The following ANKRD28 variants were observed in gnomAD, a reference collection of about 807,000 sequenced individuals.
ANKRD28 encodes serine/threonine-protein phosphatase 6 regulatory ankyrin repeat subunit A.
Under a neutral mutation model 126.5 loss-of-function variants are expected in ANKRD28, and 44 were observed. The ratio of observed to expected loss-of-function variants is 0.35; its 90% CI spans 0.27 to 0.45. The LOEUF (loss-of-function observed/expected upper bound fraction) is 0.45. ANKRD28 is among the 20% of genes least tolerant of loss of function. The probability of loss-of-function intolerance (pLI) is 1.00; values close to 1 mark genes in which losing one functional copy is unlikely to be tolerated. For missense variants in ANKRD28, 1,110 were observed against 1,316.6 expected, an observed-to-expected ratio of 0.84 and a Z score of 2.43; for synonymous variants, 442 against 468.5, an observed-to-expected ratio of 0.94 and a Z score of 0.73.
Position 15,838,701 on chromosome 3 carries a change from C to A in ANKRD28, c.27+20676G>T, listed in dbSNP as rs993871607. 1.3e-5 allele frequency among the ~76,000 whole-genome samples: 2 copies of A among 151,236 alleles called. No homozygotes were observed. The highest frequency in any genetic ancestry group is 4.9e-5 in the African/African-American group (2 of 41,166). On this transcript the variant is annotated intron_variant, in intron 1 of 27. Coordinates refer to the ANKRD28 transcript ENST00000399451. The surrounding 1 kb of genome is among the most constrained non-coding windows in gnomAD (Gnocchi z 4.0). ...AGGTAGAGGTTGCAGTGAGCCGGGA[C>A]CACGCCACTGCACTCCAGCCTGGGC...
At chr3:15,794,188 A>G (rs1206882318) in intron 2 of ANKRD28, among the ~76,000 whole-genome samples, 1 of 152,196 alleles carries the variant, frequency 6.6e-6, no homozygotes, top group African/African-American at 2.4e-5. Context: ...TAATGATAGC[A>G]TTCTGTTCAT....
intron 17 of ANKRD28, among the ~76,000 whole-genome samples, chr3:15,691,147 G>A (rs1253306533): frequency 6.8e-6 from 1 of 147,610 alleles, no homozygotes; most frequent in Non-Finnish European, 1.5e-5. Flanking sequence ...TTTTTGAGAC[G>A]GAGTCTCACT....
intron 2 of ANKRD28, among the ~76,000 whole-genome samples, chr3:15,786,185 A>G (rs554068954): frequency 1.3e-5 from 2 of 152,258 alleles, no homozygotes; most frequent in South Asian, 4.1e-4. Context: ...TTTTTGAGCC[A>G]TAATGATATG....
intron 1 of ANKRD28, among the ~76,000 whole-genome samples, chr3:15,807,304 A>G (rs2060605633): frequency 6.6e-6 from 1 of 152,186 alleles, no homozygotes; most frequent in Non-Finnish European, 1.5e-5. Context: ...AATCACTACT[A>G]GGCAGAATAG....
rs544202885 is a variant in ANKRD28 at position 15,707,867 on chromosome 3, G to C, written c.1547+57C>G. 17 of 1,565,168 alleles carry C rather than the reference G, an allele frequency of 1.1e-5. No homozygotes were observed. In the South Asian group the frequency reaches 1.4e-4, roughly 13 times the overall value. Reference sequence around the variant, plus strand: ...AAATTTGCAACAAAAACATCCATATGGAAGATGCCAGTTTATAGAAATATT... The same window carrying C: ...AAATTTGCAACAAAAACATCCATATCGAAGATGCCAGTTTATAGAAATATT... On this transcript the variant is annotated intron_variant, in intron 14 of 27. Coordinates refer to ENST00000683139, the MANE Select transcript of ANKRD28 (RefSeq NM_001349278.2).
intron 17 of ANKRD28, among the ~76,000 whole-genome samples, chr3:15,692,716 A>G (rs2068970691): frequency 6.6e-6 from 1 of 152,254 alleles, no homozygotes; most frequent in Non-Finnish European, 1.5e-5. Context: ...TCCTAGAGAT[A>G]GATATGAAAT....
chr3:15,852,445 A>ATAT (rs2061672787), intron 1 of ANKRD28, among the ~76,000 whole-genome samples: 1 of 152,200 alleles, frequency 6.6e-6, no homozygotes, highest in Non-Finnish European at 1.5e-5. Context: ...AGATGTTTTA[A>ATAT]TATTATCTTT....
At chr3:15,840,721 C>T (rs1282709760) in intron 1 of ANKRD28, among the ~76,000 whole-genome samples, 1 of 152,122 alleles carries the variant, frequency 6.6e-6, no homozygotes, top group Non-Finnish European at 1.5e-5. Context: ...AATAGAGAAC[C>T]CAGGGATAAA....
Position 15,797,577 on chromosome 3 carries a change from GA to G in ANKRD28, c.-1057del, listed in dbSNP as rs1011341931. ...TTTCTTTAAAAAAAAAAAGGGGGGG[GA>G]AAAACATAGTAGTGTATCATTCCAG... On this transcript the variant is annotated 5_prime_UTR_variant, in exon 1 of 28. It removes the in-frame stop codon of an upstream open reading frame in the 5' UTR. Transcript: ENST00000683139. The G allele has an allele frequency of 5.0e-4, 491 of 983,464 alleles. No individual in the cohort carries two copies. Among genetic ancestry groups the G allele is most frequent in the African/African-American group, 8.0e-4 (46 of 57,154 alleles). 60.9% of individuals were successfully genotyped at this position (983,464 alleles called of 1,614,324 possible).
chr3:15,812,060 G>A lies in ANKRD28; in HGVS notation c.28-16754C>T, dbSNP rs547164627. On this transcript the variant is annotated intron_variant, in intron 1 of 27. Coordinates refer to the ANKRD28 transcript ENST00000399451. The surrounding 1 kb of genome is among the most constrained non-coding windows in gnomAD (Gnocchi z 4.1). The stretch of plus-strand genomic sequence containing the variant: ...CCCAGCTACTCAGGAGGCTGAGGTC[G>A]GAGAATCGCTTGAACCCAGGAGGCT... Among the ~76,000 whole-genome samples the A allele has an allele frequency of 7.4e-4, 113 of 152,102 alleles. No individual in the cohort carries two copies. Among genetic ancestry groups the A allele is most frequent in the African/African-American group, 2.5e-3 (105 of 41,524 alleles).
chr3:15,803,389 T>C (rs2060504516), intron 1 of ANKRD28, among the ~76,000 whole-genome samples: 2 of 151,960 alleles, frequency 1.3e-5, no homozygotes, highest in Admixed American at 1.3e-4. Flanking sequence ...GAGACCAACG[T>C]GGGCGGATCA....
intron 14 of ANKRD28, among the ~76,000 whole-genome samples, chr3:15,698,565 C>T (rs964925595): frequency 3.9e-5 from 6 of 152,050 alleles, no homozygotes; most frequent in African/African-American, 9.7e-5. Flanking sequence ...AATCAATGTG[C>T]GAAAATCACA....
chr3:15,754,780 G>C (rs2058065781), intron 3 of ANKRD28, among the ~76,000 whole-genome samples: 1 of 152,164 alleles, frequency 6.6e-6, no homozygotes, highest in African/African-American at 2.4e-5. Context: ...TGGGCATATG[G>C]AGGTACTAGG....
intron 2 of ANKRD28, among the ~76,000 whole-genome samples, chr3:15,786,191 A>G (rs1371245591): frequency 6.6e-6 from 1 of 152,078 alleles, no homozygotes; most frequent in Non-Finnish European, 1.5e-5. Context: ...AGCCATAATG[A>G]TATGTATTAA....
At chr3:15,706,062 A>ATT (rs892382098) in intron 14 of ANKRD28, among the ~76,000 whole-genome samples, 1 of 149,042 alleles carries the variant, frequency 6.7e-6, no homozygotes, top group Non-Finnish European at 1.5e-5. Context: ...AACCCCTAGA[A>ATT]TTTTTTTTTT....
chr3:15,739,706 A>G (rs2075302620), intron 4 of ANKRD28, among the ~76,000 whole-genome samples: 2 of 152,240 alleles, frequency 1.3e-5, no homozygotes, highest in Non-Finnish European at 2.9e-5. Context: ...ATCAAGGAAG[A>G]CTGAACAAAA....
At chr3:15,834,704 T>TA (rs1295091038) in intron 1 of ANKRD28, among the ~76,000 whole-genome samples, 1 of 152,120 alleles carries the variant, frequency 6.6e-6, no homozygotes, top group Non-Finnish European at 1.5e-5. Context: ...CCCAGGAATA[T>TA]AAAAATTTTC....
At chr3:15,775,842 A>G (rs2059239596) in intron 2 of ANKRD28, among the ~76,000 whole-genome samples, 1 of 152,180 alleles carries the variant, frequency 6.6e-6, no homozygotes, top group Admixed American at 6.5e-5. Flanking sequence ...TAGAGGATTC[A>G]TTACATAAGC....
intron 2 of ANKRD28, among the ~76,000 whole-genome samples, chr3:15,777,888 ACACACACACACACAC>A (rs3220189): frequency 4.3e-5 from 6 of 140,580 alleles, no homozygotes; most frequent in African/African-American, 5.1e-5. Context: ...ACACACACAC[ACACACACACACACAC>A]CCTCTCCGCC....
Sources: gnomAD v4.1 joint callset for allele counts (sites outside exome capture counted in the v4.1 genomes callset) on GRCh38, gnomAD v4.1.1 for gene constraint, Gnocchi (gnomAD v3.1) non-coding constraint, MANE v1.5 for transcripts, NCBI Gene and HGNC (gene_info 2026-07-23, HGNC 2026-07-21) for gene names.